Variants in ARHGAP22 observed in about 807,000 individuals in gnomAD.
ARHGAP22 encodes the protein Rho GTPase activating protein 22, also known as rho GTPase-activating protein 22.
In ARHGAP22, 48 loss-of-function variants were observed where a neutral mutation model predicts 59.1. The ratio of observed to expected loss-of-function variants is 0.81; its 90% CI spans 0.64 to 1.03. The LOEUF is 1.03. Ranked by LOEUF, ARHGAP22 falls within the 50% of genes least tolerant of loss-of-function variation. ARHGAP22 has a pLI of 0.00. For synonymous variants in ARHGAP22, 445 were observed against 416.4 expected (o/e 1.07, Z -0.84); for missense variants, 1,015 against 958.7 (o/e 1.06, Z -0.78).
intron 1 of ARHGAP22, among the ~76,000 whole-genome samples, chr10:48,596,603 C>T (rs1332182192): frequency 6.6e-6 from 1 of 152,160 alleles, no homozygotes; most frequent in Non-Finnish European, 1.5e-5. Context: ...GGCTTTTCAC[C>T]CTGACTCTCA....
intron 3 of ARHGAP22, among the ~76,000 whole-genome samples, chr10:48,544,673 A>G (rs1461468596): frequency 6.6e-6 from 1 of 152,258 alleles, no homozygotes; most frequent in Non-Finnish European, 1.5e-5. Flanking sequence ...TCAATCATAC[A>G]TTTTATGAAA....
At chr10:48,430,589 A>G in the ARHGAP22 span, 3 of 152,804 alleles carry the variant, frequency 2.0e-5, no homozygotes, top group Non-Finnish European at 4.4e-5. Context: ...AAGCCTGATA[A>G]GAGAAAAAGA....
intron 3 of ARHGAP22, among the ~76,000 whole-genome samples, chr10:48,494,148 C>G (rs1025338078): frequency 6.7e-6 from 1 of 149,022 alleles, no homozygotes; most frequent in African/African-American, 2.5e-5. Context: ...ACCTCCGTAT[C>G]CTCTAAGGTA....
At chr10:48,580,857 T>C (rs542116571) in intron 2 of ARHGAP22, among the ~76,000 whole-genome samples, 84 of 124,446 alleles carry the variant, frequency 6.7e-4, no homozygotes, top group Admixed American at 2.3e-3. Flanking sequence ...ATGTGTATGT[T>C]ATACAATTTA....
At chr10:48,469,048 G>A (rs2047984299) in intron 4 of ARHGAP22, among the ~76,000 whole-genome samples, 1 of 152,194 alleles carries the variant, frequency 6.6e-6, no homozygotes, top group Non-Finnish European at 1.5e-5. Flanking sequence ...ACCAACCAGG[G>A]GCCGGCAGGC....
chr10:48,467,455 CTT>C (rs760761588), intron 4 of ARHGAP22, among the ~76,000 whole-genome samples: 12 of 142,298 alleles, frequency 8.4e-5, no homozygotes, highest in African/African-American at 1.0e-4. Flanking sequence ...GGGCAGAATT[CTT>C]TTTTTTTTTT....
At chr10:48,472,858 G>C (rs2048358363) in intron 4 of ARHGAP22, among the ~76,000 whole-genome samples, 1 of 152,166 alleles carries the variant, frequency 6.6e-6, no homozygotes, top group South Asian at 2.1e-4. Context: ...TGCTGGTGAG[G>C]ATGTAGATGA....
At chr10:48,582,531 T>C (rs2059179816) in intron 2 of ARHGAP22, among the ~76,000 whole-genome samples, 2 of 152,206 alleles carry the variant, frequency 1.3e-5, no homozygotes, top group African/African-American at 4.8e-5. Flanking sequence ...AGAAACCCTA[T>C]GCAGGATGGG....
At chr10:48,466,575 C>T (rs570049610) in intron 4 of ARHGAP22, 27 of 147,298 alleles carry the variant, frequency 1.8e-4, no homozygotes, top group African/African-American at 6.6e-4. Context: ...CCCGCCCCTA[C>T]CTGGGGCGGC....
At chr10:48,577,801 G>GTTTTTTTTTTT (rs34557935) in intron 2 of ARHGAP22, among the ~76,000 whole-genome samples, 2,435 of 59,256 alleles carry the variant, frequency 0.041, 448 homozygotes, top group East Asian at 0.14. Context: ...CTCTTTTTTG[G>GTTTTTTTTTTT]TTTTTTTTTT....
intron 1 of ARHGAP22, among the ~76,000 whole-genome samples, chr10:48,644,329 A>G (rs1291884824): frequency 6.6e-6 from 1 of 152,236 alleles, no homozygotes; most frequent in African/African-American, 2.4e-5. Flanking sequence ...CTAATTAATT[A>G]GAGTTGGAGA....
At chr10:48,473,899 C>T (rs1330437375) in intron 4 of ARHGAP22, among the ~76,000 whole-genome samples, 2 of 152,178 alleles carry the variant, frequency 1.3e-5, no homozygotes, top group Non-Finnish European at 2.9e-5. Flanking sequence ...CACCAGATGC[C>T]GAGGCAGCCC....
chr10:48,589,896 A>T lies in ARHGAP22; in HGVS notation c.35-6744T>A, dbSNP rs2059645739. Among the ~76,000 whole-genome samples the T allele has an allele frequency of 5.9e-5, 9 of 152,174 alleles. 1 individual carries two copies. The highest frequency in any genetic ancestry group is 5.9e-4 in the Admixed American group (9 of 15,286). On this transcript the variant is annotated intron_variant, in intron 1 of 9. Coordinates refer to ENST00000249601, the MANE Select transcript of ARHGAP22 (RefSeq NM_021226.4). ...CAGAAGTAGTTATGGTATTTACTAC[A>T]CACAGAGGAAAATCCAGCCCCAGCC...
At chr10:48,600,313 A>C (rs891314566) in intron 1 of ARHGAP22, among the ~76,000 whole-genome samples, 2 of 152,202 alleles carry the variant, frequency 1.3e-5, no homozygotes, top group Admixed American at 6.5e-5. Flanking sequence ...AATAGGTGAG[A>C]TCACTCTAGG....
intron 1 of ARHGAP22, among the ~76,000 whole-genome samples, chr10:48,612,134 T>C (rs987196952): frequency 6.6e-6 from 1 of 151,808 alleles, no homozygotes; most frequent in African/African-American, 2.4e-5. Flanking sequence ...TTCCTCCTGC[T>C]TTTCTATCCA....
At chr10:48,466,119 C>T (rs559684229) in intron 4 of ARHGAP22, among the ~76,000 whole-genome samples, 17 of 152,228 alleles carry the variant, frequency 1.1e-4, no homozygotes, top group African/African-American at 4.1e-4. Flanking sequence ...CAGTCCACCC[C>T]AGGGCAGAAG....
chr10:48,536,601 A>C lies in ARHGAP22; in HGVS notation c.322+18862T>G, dbSNP rs150750342. ...CCACCCAACAGACCTCCTGTAAACC[A>C]AACCTCAAAAAACATTTTTCAGACT... is the stretch of plus-strand genomic sequence containing the variant. On this transcript the variant is annotated intron_variant, in intron 3 of 9. Transcript: ENST00000249601. 4.9e-3 allele frequency among the ~76,000 whole-genome samples: 744 copies of C among 152,290 alleles called. 7 individuals are homozygous for C. The highest frequency in any genetic ancestry group is 0.017 in the African/African-American group (719 of 41,552).
rs372652970 is a variant in ARHGAP22 at position 48,565,170 on chromosome 10, T to TC, written c.235-9621_235-9620insG. ...AGACAGATCTGGTTTTAATCCTGAC[T>TC]ACTGCTTAGTGATAGTAAACTTTGG... On this transcript the variant is annotated intron_variant, in intron 2 of 9. Transcript: ENST00000249601. Among the ~76,000 whole-genome samples the TC allele has an allele frequency of 4.6e-5, 7 of 151,846 alleles. No individual in the cohort carries two copies. In the South Asian group the frequency reaches 1.5e-3, roughly 31 times the overall value.
intron 1 of ARHGAP22, among the ~76,000 whole-genome samples, chr10:48,638,596 C>G (rs2061920657): frequency 6.6e-6 from 1 of 152,172 alleles, no homozygotes; most frequent in Admixed American, 6.5e-5. Flanking sequence ...CCTCTACATT[C>G]TTACTTACTC....
Sources: gnomAD v4.1 joint callset for allele counts (sites outside exome capture counted in the v4.1 genomes callset) on GRCh38, gnomAD v4.1.1 for gene constraint, MANE v1.5 for transcripts, NCBI Gene and HGNC (gene_info 2026-07-23, HGNC 2026-07-21) for gene names.